KCNN2: variants seen among roughly 807,000 people sequenced by gnomAD.
The protein encoded by KCNN2 is potassium calcium-activated channel subfamily N member 2.
In KCNN2, 24 loss-of-function variants were observed where a neutral mutation model predicts 55.5. The observed-to-expected ratio is 0.43, with a 90% CI of 0.31 to 0.61. The LOEUF is 0.61. KCNN2 is among the 20% of genes least tolerant of loss of function. The pLI is 0.08. For synonymous variants in KCNN2, 431 were observed against 336.1 expected (o/e 1.28, Z -3.09); for missense variants, 754 against 853.6 (o/e 0.88, Z 1.45).
chr5:114,496,266 C>G lies in KCNN2; in HGVS notation c.*84C>G, dbSNP rs1189061668. ...CTTTTATTGTAAAGCCCCTATGGTT[C>G]TAATCAGCGTTATCCGGGTTCTGAT... On this transcript the variant is annotated 3_prime_UTR_variant, in exon 8 of 8. Coordinates refer to ENST00000673685, the MANE Select transcript of KCNN2 (RefSeq NM_021614.4). 1 of 1,416,872 alleles carries G rather than the reference C, an allele frequency of 7.1e-7. No individual in the cohort carries two copies. The allele number at this position is 1,416,872 out of a possible 1,614,324, so 87.8% of individuals were successfully genotyped here.
chr5:114,354,761 AT>A (rs1386146739), intron 2 of KCNN2, among the ~76,000 whole-genome samples: 1 of 152,132 alleles, frequency 6.6e-6, no homozygotes, highest in Non-Finnish European at 1.5e-5. Flanking sequence ...AAAATGTTGT[AT>A]TTATTAAATA....
chr5:114,316,791 G>C (rs1367403007), intron 2 of KCNN2, among the ~76,000 whole-genome samples: 1 of 152,024 alleles, frequency 6.6e-6, no homozygotes, highest in Non-Finnish European at 1.5e-5. Context: ...TAATATTAAG[G>C]CATATATGTG....
chr5:114,424,967 G>A (rs1759576699), intron 3 of KCNN2, among the ~76,000 whole-genome samples: 2 of 152,240 alleles, frequency 1.3e-5, no homozygotes, highest in South Asian at 4.2e-4. Flanking sequence ...ATCTAAAGAC[G>A]TTGTTTATAT....
chr5:114,466,474 A>AATATAT (rs10577661), intron 4 of KCNN2, among the ~76,000 whole-genome samples: 2 of 149,598 alleles, frequency 1.3e-5, no homozygotes, highest in African/African-American at 4.9e-5. Flanking sequence ...TCTTCCTAGA[A>AATATAT]ATATATATAT....
intron 2 of KCNN2, among the ~76,000 whole-genome samples, chr5:114,371,876 C>G (rs1001818476): frequency 1.3e-5 from 2 of 152,166 alleles, no homozygotes; most frequent in Non-Finnish European, 2.9e-5. Flanking sequence ...TGTTACCTCT[C>G]TTCATCAAAA....
chr5:114,474,930 A>G (rs1486768054), intron 5 of KCNN2, among the ~76,000 whole-genome samples: 1 of 152,104 alleles, frequency 6.6e-6, no homozygotes, highest in Non-Finnish European at 1.5e-5. Context: ...TAAGAAAGCC[A>G]AGTTAGCATG....
intron 3 of KCNN2, among the ~76,000 whole-genome samples, chr5:114,451,029 T>C (rs1161164197): frequency 1.3e-5 from 2 of 152,248 alleles, no homozygotes; most frequent in Non-Finnish European, 2.9e-5. Flanking sequence ...ATACCGTCTG[T>C]GTTCTTATAG....
At chr5:114,306,259 T>C (rs7731333) in intron 2 of KCNN2, among the ~76,000 whole-genome samples, 1 of 152,132 alleles carries the variant, frequency 6.6e-6, no homozygotes, top group Non-Finnish European at 1.5e-5. Flanking sequence ...TGTTGATCTC[T>C]CCAATAAGGA....
At chr5:114,181,316 C>T (rs1421145784) in intron 1 of KCNN2, among the ~76,000 whole-genome samples, 1 of 152,102 alleles carries the variant, frequency 6.6e-6, no homozygotes, top group Non-Finnish European at 1.5e-5. Flanking sequence ...TGTGTAGTAT[C>T]ACCTTGTGGT....
chr5:114,080,797 T>C (rs1750797387), intron 1 of KCNN2, among the ~76,000 whole-genome samples: 1 of 152,062 alleles, frequency 6.6e-6, no homozygotes, highest in Non-Finnish European at 1.5e-5. Context: ...GTTTTGCCAC[T>C]TCTATTCAAC....
At position 114,379,066 on chromosome 5, in the gene KCNN2, C is replaced by A. The variant is rs548989037; in HGVS notation, c.1218+15065C>A. On this transcript the variant is annotated intron_variant, in intron 2 of 7. Coordinates refer to ENST00000673685, the MANE Select transcript of KCNN2 (RefSeq NM_021614.4). ...GCCTACTGGCAACTCCCCTTAGAAGCCCCTCAGGGCCGCAGCTCAGCACCT... is the reference window on the plus strand; with the variant it reads ...GCCTACTGGCAACTCCCCTTAGAAGACCCTCAGGGCCGCAGCTCAGCACCT... 2.0e-5 allele frequency among the ~76,000 whole-genome samples: 3 copies of A among 152,260 alleles called. No homozygotes were observed. The South Asian group carries it at 6.2e-4, about 32-fold the overall frequency.
At chr5:114,225,494 A>C (rs1200014002) in intron 2 of KCNN2, among the ~76,000 whole-genome samples, 1 of 152,202 alleles carries the variant, frequency 6.6e-6, no homozygotes, top group African/African-American at 2.4e-5. Context: ...ACAAGTCACC[A>C]GTGGATTAAG....
At chr5:114,310,713 A>T (rs1480998282) in intron 2 of KCNN2, among the ~76,000 whole-genome samples, 1 of 152,140 alleles carries the variant, frequency 6.6e-6, no homozygotes, top group African/African-American at 2.4e-5. Context: ...TAGGAAGGTG[A>T]CACTTGGTAT....
intron 2 of KCNN2, among the ~76,000 whole-genome samples, chr5:114,247,267 T>TCTGTG (rs1754767391): frequency 6.9e-6 from 1 of 145,420 alleles, no homozygotes; most frequent in South Asian, 2.2e-4. Flanking sequence ...ATAAGAGATA[T>TCTGTG]CTGTGCTGAC....
At chr5:114,467,118 C>CATTAGTTGTCAGTTAAA (rs1554057150) in intron 4 of KCNN2, among the ~76,000 whole-genome samples, 2 of 152,066 alleles carry the variant, frequency 1.3e-5, no homozygotes, top group Non-Finnish European at 2.9e-5. Flanking sequence ...ATGGTGACTC[C>CATTAGTTGTCAGTTAAA]ATTAGTTGTC....
At chr5:114,385,783 A>G (rs1461475655) in intron 2 of KCNN2, among the ~76,000 whole-genome samples, 1 of 151,990 alleles carries the variant, frequency 6.6e-6, no homozygotes, top group African/African-American at 2.4e-5. Context: ...GTAATGTATG[A>G]TAAATAATGA....
In KCNN2 at chr5:114,103,411, CTT is replaced by C. The variant is rs1751413513; in HGVS notation, c.-271+46913_-271+46914del. On this transcript the variant is annotated intron_variant, in intron 1 of 10. Coordinates refer to the KCNN2 transcript ENST00000512097. ...CTTCTTGTCTTCCTATTTGAATACT[CTT>C]TATTTCTTTCTCTTGCCTGATTACC... Among the ~76,000 whole-genome samples the C allele has an allele frequency of 3.3e-5, 5 of 152,212 alleles. No individual in the cohort carries two copies. In the South Asian group the frequency reaches 1.0e-3, roughly 32 times the overall value.
At chr5:114,447,940 A>C (rs1448272009) in intron 3 of KCNN2, among the ~76,000 whole-genome samples, 2 of 152,214 alleles carry the variant, frequency 1.3e-5, no homozygotes, top group South Asian at 4.1e-4. Flanking sequence ...TTTTCTTTTC[A>C]CCTTTTTTTC....
chr5:114,077,040 A>G (rs1750698325), intron 1 of KCNN2, among the ~76,000 whole-genome samples: 1 of 151,676 alleles, frequency 6.6e-6, no homozygotes, highest in South Asian at 2.1e-4. Flanking sequence ...GGTATGTTGA[A>G]TTACCCTTAG....
Sources: gnomAD v4.1 joint callset for allele counts (sites outside exome capture counted in the v4.1 genomes callset) on GRCh38, gnomAD v4.1.1 for gene constraint, MANE v1.5 for transcripts, NCBI Gene and HGNC (gene_info 2026-07-23, HGNC 2026-07-21) for gene names.